The following RIMS1 variants were observed in gnomAD, a reference collection of about 807,000 sequenced individuals.
RIMS1 encodes regulating synaptic membrane exocytosis protein 1.
A neutral mutation model predicts 214.1 loss-of-function variants in RIMS1; 83 were observed. The observed-to-expected ratio is 0.39, with a 90% confidence interval of 0.32 to 0.47. The LOEUF (loss-of-function observed/expected upper bound fraction) is 0.47. Ranked by LOEUF, RIMS1 falls within the 20% of genes least tolerant of loss-of-function variation. RIMS1 has a pLI of 0.99. For synonymous variants in RIMS1, 793 were observed against 786.8 expected, an observed-to-expected ratio of 1.01 and a Z score of -0.13; for missense variants, 2,050 against 2,161.8, an observed-to-expected ratio of 0.95 and a Z score of 1.03.
At chr6:72,211,351 T>C (rs2053776013) in intron 6 of RIMS1, among the ~76,000 whole-genome samples, 1 of 152,208 alleles carries the variant, frequency 6.6e-6, no homozygotes, top group South Asian at 2.1e-4. Context: ...AAGAATGAGA[T>C]GCTAGATTTA....
At chr6:72,018,774 A>G (rs1813599761) in intron 2 of RIMS1, among the ~76,000 whole-genome samples, 1 of 152,172 alleles carries the variant, frequency 6.6e-6, no homozygotes, top group Admixed American at 6.6e-5. Context: ...ATTAGGATTG[A>G]GATTTGGCCA....
At chr6:72,101,577 G>A (rs2033593872) in intron 4 of RIMS1, among the ~76,000 whole-genome samples, 1 of 151,980 alleles carries the variant, frequency 6.6e-6, no homozygotes, top group African/African-American at 2.4e-5. Flanking sequence ...TAATTTACAT[G>A]TGTGTGGTGT....
intron 24 of RIMS1, among the ~76,000 whole-genome samples, chr6:72,288,297 A>C (rs1356941583): frequency 6.6e-6 from 1 of 152,228 alleles, no homozygotes; most frequent in African/African-American, 2.4e-5. Context: ...AGAATACAAA[A>C]AGGTACATAT....
At chr6:72,150,480 A>G (rs1055158478) in intron 4 of RIMS1, among the ~76,000 whole-genome samples, 6 of 152,170 alleles carry the variant, frequency 3.9e-5, no homozygotes, top group African/African-American at 1.4e-4. Context: ...GACATAAGAT[A>G]TTGAAGACAT....
chr6:72,324,238 G>A (rs543464149), intron 28 of RIMS1, among the ~76,000 whole-genome samples: 5 of 152,104 alleles, frequency 3.3e-5, no homozygotes, highest in African/African-American at 1.2e-4. Flanking sequence ...TCTTGTGGTA[G>A]TTAAAACATA....
At chr6:72,037,118 T>C (rs1351815041) in intron 2 of RIMS1, among the ~76,000 whole-genome samples, 2 of 151,854 alleles carry the variant, frequency 1.3e-5, no homozygotes, top group African/African-American at 2.4e-5. Context: ...TTTACTTCCT[T>C]ATAGCAAAGG....
chr6:71,987,348 C>T (rs1424350930), intron 2 of RIMS1, among the ~76,000 whole-genome samples: 1 of 152,120 alleles, frequency 6.6e-6, no homozygotes, highest in Non-Finnish European at 1.5e-5. Flanking sequence ...TGTTGAGGAC[C>T]CTCTTCTTGG....
At chr6:72,118,901 T>A (rs781034971) in intron 4 of RIMS1, among the ~76,000 whole-genome samples, 1 of 151,686 alleles carries the variant, frequency 6.6e-6, no homozygotes, top group Non-Finnish European at 1.5e-5. Context: ...GCATTTCCAC[T>A]GAGAACTGAA....
chr6:71,895,026 A>T (rs1432344675), intron 1 of RIMS1, among the ~76,000 whole-genome samples: 4 of 152,184 alleles, frequency 2.6e-5, no homozygotes, highest in Non-Finnish European at 4.4e-5. Flanking sequence ...TAGAGAAGGT[A>T]TGTAAATTGA....
Position 72,252,350 on chromosome 6 carries a change from A to G in RIMS1, c.2699-411A>G, listed in dbSNP as rs139694596. Among the ~76,000 whole-genome samples the G allele has an allele frequency of 1.2e-3, 178 of 152,272 alleles. 1 individual carries two copies. Among genetic ancestry groups the G allele is most frequent in the South Asian group, 3.7e-3 (18 of 4,826 alleles). Reference sequence around the variant, plus strand: ...AGGGCCCTGATGTTTTTTCATTAATATAGGCTGAATAGAGCTCCAGCCAAG... The same window carrying G: ...AGGGCCCTGATGTTTTTTCATTAATGTAGGCTGAATAGAGCTCCAGCCAAG... On this transcript the variant is annotated intron_variant, in intron 15 of 33. Transcript: ENST00000521978.
At chr6:72,228,406 C>T (rs753163213) in intron 6 of RIMS1, among the ~76,000 whole-genome samples, 11 of 151,856 alleles carry the variant, frequency 7.2e-5, no homozygotes, top group Non-Finnish European at 1.6e-4. Context: ...TTATACTCCT[C>T]ATTATGTTCC....
At chr6:72,079,350 C>T (rs1479919143) in intron 2 of RIMS1, among the ~76,000 whole-genome samples, 3 of 152,060 alleles carry the variant, frequency 2.0e-5, no homozygotes, top group South Asian at 2.1e-4. Flanking sequence ...ATAGTGATTG[C>T]CAGGTTTCAG....
At chr6:71,958,539 T>A (rs1311094668) in intron 1 of RIMS1, among the ~76,000 whole-genome samples, 1 of 152,014 alleles carries the variant, frequency 6.6e-6, no homozygotes, top group Non-Finnish European at 1.5e-5. Flanking sequence ...GTCAGGTAAT[T>A]TGAGGTAAGA....
At chr6:72,148,748 C>G (rs1318977673) in intron 4 of RIMS1, 1 of 426,638 alleles carries the variant, frequency 2.3e-6, no homozygotes. Context: ...CAATCGAAAG[C>G]TCAGGATTGA....
chr6:71,900,841 T>G (rs1358257592), intron 1 of RIMS1, among the ~76,000 whole-genome samples: 1 of 152,098 alleles, frequency 6.6e-6, no homozygotes, highest in Non-Finnish European at 1.5e-5. Context: ...ATGAGTCATG[T>G]GTACACAGAT....
chr6:72,346,998 T>C (rs1310107525), intron 29 of RIMS1, among the ~76,000 whole-genome samples: 1 of 151,860 alleles, frequency 6.6e-6, no homozygotes, highest in Non-Finnish European at 1.5e-5. Context: ...ATCATTTCTA[T>C]CATTGTTCTC....
intron 1 of RIMS1, among the ~76,000 whole-genome samples, chr6:71,923,670 G>A (rs904934962): frequency 2.0e-5 from 3 of 151,840 alleles, no homozygotes; most frequent in African/African-American, 4.8e-5. Flanking sequence ...AGGTTCAAGC[G>A]ATTCTCCTGC....
intron 22 of RIMS1, among the ~76,000 whole-genome samples, chr6:72,270,288 A>T (rs745945781): frequency 7.0e-6 from 1 of 142,584 alleles, no homozygotes; most frequent in Non-Finnish European, 1.5e-5. Flanking sequence ...GGGGAAAAAT[A>T]TTTAAGGACT....
Position 72,182,516 on chromosome 6 carries a change from G to C in RIMS1, c.1045G>C (p.Glu349Gln). 6.3e-7 allele frequency: 1 copy of C among 1,587,580 alleles called. No individual in the cohort carries two copies. The highest frequency in any genetic ancestry group is 8.6e-7 in the Non-Finnish European group (1 of 1,167,024). ...AADEEKQRKE[E>Q]DYQTRYRSDP... ...GGATGAGGAAAAGCAAAGAAAAGAG[G>C]AGGATTATCAGACCAGGTACCGCAG... Residue 349 changes from glutamate to glutamine, a missense_variant, in exon 6 of 34, where the codon GAG becomes CAG. By Grantham distance (29) the Glu-to-Gln change is conservative (BLOSUM62 2). Transcript: ENST00000521978.
Sources: allele counts gnomAD v4.1 joint callset (sites outside exome capture counted in the v4.1 genomes callset), GRCh38; gene constraint gnomAD v4.1.1; transcripts MANE v1.5; gene names NCBI Gene and HGNC (gene_info 2026-07-23, HGNC 2026-07-21).